The following VDR variants were observed in gnomAD, a reference collection of about 807,000 sequenced individuals.
VDR encodes vitamin D3 receptor.
Under a neutral mutation model 39.7 loss-of-function variants are expected in VDR, and 19 were observed. The ratio of observed to expected loss-of-function variants is 0.48; its 90% CI spans 0.33 to 0.70. The LOEUF (loss-of-function observed/expected upper bound fraction) is 0.70. Among genes scored for constraint, VDR ranks in the 30% least tolerant of loss-of-function variants. The pLI is 0.02. For synonymous variants in VDR, 242 were observed against 215.8 expected, an observed-to-expected ratio of 1.12 and a Z score of -1.07; for missense variants, 442 against 570.5, an observed-to-expected ratio of 0.77 and a Z score of 2.29.
chr12:47,884,516 G>A (rs369972439), intron 1 of VDR, among the ~76,000 whole-genome samples: 1 of 152,108 alleles, frequency 6.6e-6, no homozygotes, highest in Admixed American at 6.5e-5. Flanking sequence ...CTACTGCTCC[G>A]CACTGGGCCC....
chr12:47,863,899 G>A (rs1457110571), intron 4 of VDR, among the ~76,000 whole-genome samples: 2 of 152,148 alleles, frequency 1.3e-5, no homozygotes, highest in Non-Finnish European at 2.9e-5. Flanking sequence ...TCCCATTAAC[G>A]GAGAAATTTG....
chr12:47,841,671 T>TC lies in VDR; in HGVS notation c.*3074dup, dbSNP rs1356132396. The TC allele has an allele frequency of 6.6e-6, 1 of 152,376 alleles. No individual in the cohort carries two copies. Among genetic ancestry groups the TC allele is most frequent in the Non-Finnish European group, 1.5e-5 (1 of 68,044 alleles). 9.4% of individuals were successfully genotyped at this position (152,376 alleles called of 1,614,324 possible). The stretch of plus-strand genomic sequence containing the variant: ...TGACAAACTTCTGGCAAACTTTTTT[T>TC]CTCTTTGGAAATCATTCAGCAGGCA... On this transcript the variant is annotated 3_prime_UTR_variant, in exon 10 of 10. Transcript: ENST00000549336.
intron 1 of VDR, among the ~76,000 whole-genome samples, chr12:47,893,653 G>A (rs1182856373): frequency 1.3e-5 from 2 of 152,090 alleles, no homozygotes; most frequent in African/African-American, 2.4e-5. Flanking sequence ...GCCCACAGCC[G>A]CAGGATCCCC....
chr12:47,864,847 A>T (rs1472597301), intron 4 of VDR, among the ~76,000 whole-genome samples, 200 bp downstream of exon 4: 1 of 152,206 alleles, frequency 6.6e-6, no homozygotes, highest in African/African-American at 2.4e-5. Context: ...AGAGGTGCAC[A>T]GGGCCGCTGA....
chr12:47,882,163 GA>G (rs1303147470), intron 2 of VDR, among the ~76,000 whole-genome samples: 1 of 152,182 alleles, frequency 6.6e-6, no homozygotes, highest in East Asian at 1.9e-4. Flanking sequence ...TTGACATCAG[GA>G]AGTCTCTATG....
chr12:47,846,913 GC>G (rs1945292268), intron 7 of VDR, 105 bp from the exon 8 acceptor site: 2 of 1,349,288 alleles, frequency 1.5e-6, no homozygotes, highest in African/African-American at 2.9e-5. Context: ...GCACCAACAT[GC>G]ACCCTGGGTC....
intron 9 of VDR, among the ~76,000 whole-genome samples, chr12:47,845,561 C>T (rs1054101467): frequency 6.6e-6 from 1 of 152,118 alleles, no homozygotes; most frequent in Admixed American, 6.5e-5. Flanking sequence ...TTTAATGTTT[C>T]CTCCTAAGCT....
intron 1 of VDR, among the ~76,000 whole-genome samples, chr12:47,883,650 C>T (rs1452964610): frequency 6.6e-6 from 1 of 152,194 alleles, no homozygotes; most frequent in East Asian, 1.9e-4. Context: ...CACAAACACA[C>T]ACTTCTTTCC....
chr12:47,897,624 C>T (rs544361747), intron 1 of VDR, among the ~76,000 whole-genome samples: 1 of 152,304 alleles, frequency 6.6e-6, no homozygotes, highest in South Asian at 2.1e-4. Context: ...GTGTAGTTAA[C>T]ACCTCTTTTC....
At chr12:47,886,925 G>T (rs567285652) in intron 1 of VDR, among the ~76,000 whole-genome samples, 2 of 152,098 alleles carry the variant, frequency 1.3e-5, no homozygotes, top group African/African-American at 4.8e-5. Flanking sequence ...ATAGCTCTTT[G>T]TAGCCATGTT....
chr12:47,904,513 T>C (rs1003312425), intron 1 of VDR: 1 of 728,708 alleles, frequency 1.4e-6, no homozygotes, highest in Non-Finnish European at 2.0e-6. Flanking sequence ...AACTCCACCA[T>C]CACAGGTGAC....
At chr12:47,871,280 TTCTTTC>T (rs1287030076) in intron 3 of VDR, among the ~76,000 whole-genome samples, 1,471 of 145,166 alleles carry the variant, frequency 0.01, 61 homozygotes, top group Non-Finnish European at 0.015. Flanking sequence ...TCTTTTCTCT[TTCTTTC>T]TCTTTCTCTT....
At chr12:47,875,291 T>G (rs1316744311) in intron 3 of VDR, among the ~76,000 whole-genome samples, 1 of 152,204 alleles carries the variant, frequency 6.6e-6, no homozygotes, top group Non-Finnish European at 1.5e-5. Flanking sequence ...GGATTACTGG[T>G]CTCCAGGGCT....
intron 3 of VDR, among the ~76,000 whole-genome samples, chr12:47,869,077 C>A (rs1041173544): frequency 3.3e-5 from 5 of 152,250 alleles, no homozygotes; most frequent in African/African-American, 4.8e-5. Context: ...GGGCAGCCCC[C>A]CCAGCTGCAG....
intron 1 of VDR, among the ~76,000 whole-genome samples, chr12:47,883,286 G>A (rs1259771775): frequency 6.6e-6 from 1 of 152,228 alleles, no homozygotes; most frequent in East Asian, 1.9e-4. Context: ...GGCAGGCTTG[G>A]ATGGCAGCCC....
At chr12:47,883,167 T>A (rs942674218) in intron 1 of VDR, among the ~76,000 whole-genome samples, 1 of 152,186 alleles carries the variant, frequency 6.6e-6, no homozygotes, top group Non-Finnish European at 1.5e-5. Flanking sequence ...CTCCAGATTG[T>A]AGGCAGCTCA....
At position 47,882,948 on chromosome 12, in the gene VDR, G is replaced by A. The variant is rs547830559; in HGVS notation, c.-83-174C>T. Reference sequence around the variant, plus strand: ...ATGCCATGTCATCGCTGGCAGGGGTGTGGGGGTGGCGGCTGGGCAGCAGCC... The same window carrying A: ...ATGCCATGTCATCGCTGGCAGGGGTATGGGGGTGGCGGCTGGGCAGCAGCC... On this transcript the variant is annotated intron_variant, in intron 1 of 9. Coordinates refer to ENST00000549336, the MANE Select transcript of VDR (RefSeq NM_000376.3). 5.4e-6 allele frequency: 3 copies of A among 556,570 alleles called. No homozygotes were observed. In the South Asian group the frequency reaches 7.0e-5, roughly 13 times the overall value. 34.5% of individuals were successfully genotyped at this position (556,570 alleles called of 1,614,324 possible).
intron 6 of VDR, among the ~76,000 whole-genome samples, chr12:47,856,675 A>G (rs990309853): frequency 6.6e-6 from 1 of 151,630 alleles, no homozygotes; most frequent in African/African-American, 2.4e-5. Context: ...CCAGACTCTC[A>G]GCTGAGCTGG....
intron 3 of VDR, among the ~76,000 whole-genome samples, chr12:47,872,771 G>A (rs1212474029): frequency 6.6e-6 from 1 of 152,128 alleles, no homozygotes; most frequent in Admixed American, 6.5e-5. Flanking sequence ...CAAGTTCCAT[G>A]GTAGAGAAAA....
Sources: allele counts gnomAD v4.1 joint callset (sites outside exome capture counted in the v4.1 genomes callset), GRCh38; gene constraint gnomAD v4.1.1; transcripts MANE v1.5; gene names NCBI Gene and HGNC (gene_info 2026-07-23, HGNC 2026-07-21).